KLF2: variants seen among roughly 807,000 people sequenced by gnomAD.
KLF2 encodes the protein KLF transcription factor 2.
Under a neutral mutation model 22.2 loss-of-function variants are expected in KLF2, and 9 were observed. The observed-to-expected ratio is 0.40, with a 90% confidence interval of 0.24 to 0.71. The LOEUF (loss-of-function observed/expected upper bound fraction) is 0.71. Ranked by LOEUF, KLF2 falls within the 30% of genes least tolerant of loss-of-function variation. KLF2 has a pLI of 0.35. For synonymous variants in KLF2, 299 were observed against 264.2 expected, an observed-to-expected ratio of 1.13 and a Z score of -1.28; for missense variants, 481 against 542.1, an observed-to-expected ratio of 0.89 and a Z score of 1.12.
At chr19:16,325,086 G>A in intron 1 of KLF2, 88 bp downstream of exon 1, 1 of 1,364,988 alleles carries the variant, frequency 7.3e-7, no homozygotes, top group Non-Finnish European at 9.9e-7. Flanking sequence ...GACAGGACGC[G>A]AAGGCGGGGA....
At chr19:16,325,058 G>T in intron 1 of KLF2, 60 bp downstream of exon 1, 8 of 1,450,956 alleles carry the variant, frequency 5.5e-6, no homozygotes, top group Non-Finnish European at 7.4e-6. Flanking sequence ...CGGGGTAGTA[G>T]AACGTGGGCT....
At position 16,325,633 on chromosome 19, in the gene KLF2, G is replaced by A. The variant is rs2091887058; in HGVS notation, c.493G>A (p.Gly165Ser). The change falls in exon 2 of 3, where the codon GGC becomes AGC. Residue 165 changes from glycine to serine, a missense_variant. This residue lies in a region of KLF2 where 421 missense variants were observed against 435.1 expected (regional missense o/e 0.97). Coordinates refer to ENST00000248071, the MANE Select transcript of KLF2 (RefSeq NM_016270.4). The part of the protein sequence containing the change: ...PAASCMRGPG[G>S]RPPPPPDTPP... ...GGCTTCGTGCATGCGAGGTCCCGGG[G>A]GCCGCCCCCCGCCGCCGCCCGACAC... 2 of 1,085,560 alleles carry A rather than the reference G, an allele frequency of 1.8e-6. No individual in the cohort carries two copies. Among genetic ancestry groups the A allele is most frequent in the South Asian group, 4.2e-5 (1 of 23,696 alleles). 67.2% of individuals were successfully genotyped at this position (1,085,560 alleles called of 1,614,324 possible). A position where few individuals can be genotyped will look rare whatever the true frequency, so the allele number is the denominator to read the frequency against.
chr19:16,326,208 G>T (rs940194465), intron 2 of KLF2, among the ~76,000 whole-genome samples, 176 bp downstream of exon 2: 1 of 151,078 alleles, frequency 6.6e-6, no homozygotes, highest in Non-Finnish European at 1.5e-5. Context: ...AGGTTGGTTG[G>T]GGGGGCACAC....
At chr19:16,326,803 C>G in intron 2 of KLF2, 53 bp from the exon 3 acceptor site, 5 of 1,559,498 alleles carry the variant, frequency 3.2e-6, no homozygotes, top group Non-Finnish European at 4.4e-6. Context: ...GGTAGCCATA[C>G]GTGCCCTGTC....
chr19:16,325,554 C>T lies in KLF2; in HGVS notation c.414C>T (p.Pro138=), dbSNP rs2091886701. 1.1e-5 allele frequency: 14 copies of T among 1,220,020 alleles called. No homozygotes were observed. The highest frequency in any genetic ancestry group is 1.6e-5 in the African/African-American group (1 of 62,078). 75.6% of individuals were successfully genotyped at this position (1,220,020 alleles called of 1,614,324 possible). The stretch of plus-strand genomic sequence containing the variant: ...GCGGCGGCGGCTACGGCTGCGCCCC[C>T]GGGCTGACCCGTGGACCGCGCGGCC... ...ADGGGGYGCA[P]GLTRGPRGLK... is the part of the protein sequence containing the mutation. The change falls in exon 2 of 3, where the codon CCC becomes CCT. Residue 138 remains proline, a synonymous_variant. Transcript: ENST00000248071.
chr19:16,327,475 T>G lies in KLF2; in HGVS notation c.*444T>G, dbSNP rs1434283165. 1.3e-5 allele frequency: 2 copies of G among 154,156 alleles called. No homozygotes were observed. The highest frequency in any genetic ancestry group is 4.8e-5 in the African/African-American group (2 of 41,472). The allele number at this position is 154,156 out of a possible 1,614,324, so 9.5% of individuals were successfully genotyped here. On this transcript the variant is annotated 3_prime_UTR_variant, in exon 3 of 3. Transcript: ENST00000248071. ...TTTTGGGCTACCTGGTTCGTTTTTA[T>G]AAGATTTTGCTGGGTTGGTTTTTTT...
chr19:16,328,145 T>C lies in KLF2; in HGVS notation c.*1114T>C, dbSNP rs1484324870. Among the ~76,000 whole-genome samples, 1 of 152,108 alleles carries C rather than the reference T, an allele frequency of 6.6e-6. No individual in the cohort carries two copies. The highest frequency in any genetic ancestry group is 1.5e-5 in the Non-Finnish European group (1 of 68,012). The stretch of plus-strand genomic sequence containing the variant: ...GGGTGGTGGAGTTGGGTTGTTAGCC[T>C]GCTCTGTCTGCCTCCAAGGGTCCCT... On this transcript the variant is annotated 3_prime_UTR_variant, in exon 3 of 3. Coordinates refer to ENST00000248071, the MANE Select transcript of KLF2 (RefSeq NM_016270.4).
Position 16,325,828 on chromosome 19 carries a change from G to T in KLF2, c.688G>T (p.Ala230Ser). The change falls in exon 2 of 3, where the codon GCA becomes TCA. Residue 230 changes from alanine to serine, a missense_variant. Around this residue, in one of 2 missense-constraint regions of KLF2, gnomAD observed 421 missense variants for 435.1 expected, o/e 0.97. Transcript: ENST00000248071. ...GLFDDAAAAA[A>S]ALGLAPPAAR... ...CTTCGACGACGCGGCCGCCGCCGCG[G>T]CAGCCCTGGGCCTGGCGCCCCCCGC... The T allele has an allele frequency of 1.7e-5, 23 of 1,364,344 alleles. No individual in the cohort carries two copies. The highest frequency in any genetic ancestry group is 2.1e-5 in the Non-Finnish European group (22 of 1,067,398). 84.5% of individuals were successfully genotyped at this position (1,364,344 alleles called of 1,614,324 possible). A position where few individuals can be genotyped will look rare whatever the true frequency, so the allele number is the denominator to read the frequency against.
chr19:16,325,992 CAA>C lies in KLF2; in HGVS notation c.853_854del (p.Lys285GlufsTer14). ...SYAGCGKTYT[K>X]SSHLKAHLRT... Reference sequence around the variant, plus strand: ...ACGCGGGCTGCGGCAAGACCTACACCAAGAGTTCGCATCTGAAGGCGCATCTG... The same window carrying C: ...ACGCGGGCTGCGGCAAGACCTACACCGAGTTCGCATCTGAAGGCGCATCTG... On this transcript the variant is annotated frameshift_variant, in exon 2 of 3. Transcript: ENST00000248071. LOFTEE classifies it high-confidence loss of function. 1 of 1,554,670 alleles carries C rather than the reference CAA, an allele frequency of 6.4e-7. No homozygotes were observed. Among genetic ancestry groups the C allele is most frequent in the Non-Finnish European group, 8.7e-7 (1 of 1,150,586 alleles).
chr19:16,326,776 T>C, intron 2 of KLF2, 80 bp from the exon 3 acceptor site: 6 of 1,412,642 alleles, frequency 4.2e-6, no homozygotes, highest in Non-Finnish European at 5.8e-6. Flanking sequence ...TGGTTAGGGA[T>C]AGGTTGCGCT....
chr19:16,326,956 A>C lies in KLF2; in HGVS notation c.993A>C (p.Pro331=), dbSNP rs745977489. 6.2e-6 allele frequency: 10 copies of C among 1,613,600 alleles called. No individual in the cohort carries two copies. The East Asian group carries it at 2.2e-4, about 36-fold the overall frequency. Reference sequence around the variant, plus strand: ...ACCGAAAGCACACGGGCCACCGGCCATTCCAGTGCCATCTGTGCGATCGTG... The same window carrying C: ...ACCGAAAGCACACGGGCCACCGGCCCTTCCAGTGCCATCTGTGCGATCGTG... ...RHYRKHTGHR[P]FQCHLCDRAF... Residue 331 remains proline, a synonymous_variant, in exon 3 of 3, where the codon CCA becomes CCC. Transcript: ENST00000248071.
chr19:16,326,084 G>A lies in KLF2; in HGVS notation c.892+52G>A, dbSNP rs926720408. ...GCAGGCGGGGGGACGCGGGAGGAGAGGTCGGATTCCCAGCGCGCGCCAGAA... is the reference window on the plus strand; with the variant it reads ...GCAGGCGGGGGGACGCGGGAGGAGAAGTCGGATTCCCAGCGCGCGCCAGAA... On this transcript the variant is annotated intron_variant, in intron 2 of 2. Transcript: ENST00000248071. 2.7e-6 allele frequency: 4 copies of A among 1,498,742 alleles called. No homozygotes were observed. In the African/African-American group the frequency reaches 4.3e-5, roughly 16 times the overall value. 92.8% of individuals were successfully genotyped at this position (1,498,742 alleles called of 1,614,324 possible).
intron 2 of KLF2, 38 bp downstream of exon 2, chr19:16,326,070 G>A (rs949615420): frequency 2.6e-6 from 4 of 1,519,548 alleles, no homozygotes; most frequent in Non-Finnish European, 3.5e-6. Flanking sequence ...CAGGCGGGGG[G>A]ACGCGGGAGG....
Position 16,325,933 on chromosome 19 carries a change from C to T in KLF2, c.793C>T (p.Pro265Ser). 6 of 1,529,136 alleles carry T rather than the reference C, an allele frequency of 3.9e-6. No individual in the cohort carries two copies. The highest frequency in any genetic ancestry group is 2.6e-5 in the East Asian group (1 of 38,132). The allele number at this position is 1,529,136 out of a possible 1,614,324, so 94.7% of individuals were successfully genotyped here. The change falls in exon 2 of 3, where the codon CCC becomes TCC. Residue 265 changes from proline (P) to serine (S), a missense_variant. Pro to Ser is a moderately conservative substitution (Grantham distance 74). This residue lies in a region of KLF2 where 421 missense variants were observed against 435.1 expected (regional missense o/e 0.97). Transcript: ENST00000248071. ...AKPKRGRRSW[P>S]RKRTATHTCS... Reference sequence around the variant, plus strand: ...GCCAAAGCGCGGCCGCCGCTCTTGGCCCCGCAAACGCACCGCCACTCACAC... The same window carrying T: ...GCCAAAGCGCGGCCGCCGCTCTTGGTCCCGCAAACGCACCGCCACTCACAC...
intron 1 of KLF2, 85 bp from the exon 2 acceptor site, chr19:16,325,131 G>A: frequency 7.6e-7 from 1 of 1,322,360 alleles, no homozygotes; most frequent in Non-Finnish European, 1.0e-6. Flanking sequence ...CGGGCCACGG[G>A]GATCGCGGAC....
rs181837356 is a variant in KLF2 at position 16,327,186 on chromosome 19, A to C, written c.*155A>C. 658 of 659,846 alleles carry C rather than the reference A, an allele frequency of 1.0e-3. 10 individuals are homozygous for C. In the East Asian group the frequency reaches 0.016, roughly 16 times the overall value. 40.9% of individuals were successfully genotyped at this position (659,846 alleles called of 1,614,324 possible). A position where few individuals can be genotyped will look rare whatever the true frequency, so the allele number is the denominator to read the frequency against. Reference sequence around the variant, plus strand: ...GTCTCCCTCGATGACGACGACGACGACGCCACCACCCCAGCCCCCGTCTGT... The same window carrying C: ...GTCTCCCTCGATGACGACGACGACGCCGCCACCACCCCAGCCCCCGTCTGT... On this transcript the variant is annotated 3_prime_UTR_variant, in exon 3 of 3. Coordinates refer to ENST00000248071, the MANE Select transcript of KLF2 (RefSeq NM_016270.4).
At position 16,327,293 on chromosome 19, in the gene KLF2, T is replaced by TGATA; in HGVS notation, c.*262_*263insGATA. ...AAATGGTGCAATAATTTAAGTGGCA[T>TGATA]CTTCTCTCCCACCGGGTCTACACTA... is the stretch of plus-strand genomic sequence containing the variant. On this transcript the variant is annotated 3_prime_UTR_variant, in exon 3 of 3. Transcript: ENST00000248071. 1 of 383,120 alleles carries TGATA rather than the reference T, an allele frequency of 2.6e-6. No individual in the cohort carries two copies. Among genetic ancestry groups the TGATA allele is most frequent in the Non-Finnish European group, 4.7e-6 (1 of 213,034 alleles). 23.7% of individuals were successfully genotyped at this position (383,120 alleles called of 1,614,324 possible).
rs901623443 is a variant in KLF2 at position 16,325,366 on chromosome 19, C to T, written c.226C>T (p.Pro76Ser). The T allele has an allele frequency of 1.4e-6, 2 of 1,439,522 alleles. No individual in the cohort carries two copies. The highest frequency in any genetic ancestry group is 1.5e-5 in the African/African-American group (1 of 66,540). The allele number at this position is 1,439,522 out of a possible 1,614,324, so 89.2% of individuals were successfully genotyped here. A position where few individuals can be genotyped will look rare whatever the true frequency, so the allele number is the denominator to read the frequency against. ...GCCCCCGCCGCCTGCGTTCTATTACCCCGAACCCGGCGCGCCCCCGCCCTA... is the reference window on the plus strand; with the variant it reads ...GCCCCCGCCGCCTGCGTTCTATTACTCCGAACCCGGCGCGCCCCCGCCCTA... ...PPPPPPAFYY[P>S]EPGAPPPYSA... The change falls in exon 2 of 3, where the codon CCC becomes TCC. Residue 76 changes from proline to serine, a missense_variant. Pro to Ser is a moderately conservative substitution (Grantham distance 74). Coordinates refer to ENST00000248071, the MANE Select transcript of KLF2 (RefSeq NM_016270.4).
chr19:16,325,512 GC>G lies in KLF2; in HGVS notation c.377del (p.Pro126LeufsTer15). 1 of 1,293,562 alleles carries G rather than the reference GC, an allele frequency of 7.7e-7. No homozygotes were observed. The allele number at this position is 1,293,562 out of a possible 1,614,324, so 80.1% of individuals were successfully genotyped here. ...CGCCCGGCCGCCTGGTCAAGGCCGAGCCCCCTGAAGCGGACGGCGGCGGCGG... is the reference window on the plus strand; with the variant it reads ...CGCCCGGCCGCCTGGTCAAGGCCGAGCCCCTGAAGCGGACGGCGGCGGCGG... ...APPGRLVKAE[P>X]PEADGGGGYG... On this transcript the variant is annotated frameshift_variant, in exon 2 of 3. Coordinates refer to ENST00000248071, the MANE Select transcript of KLF2 (RefSeq NM_016270.4). LOFTEE classifies it high-confidence loss of function.
Sources: allele counts gnomAD v4.1 joint callset (sites outside exome capture counted in the v4.1 genomes callset), GRCh38; gene constraint gnomAD v4.1.1; regional missense constraint gnomAD v4.1.1; transcripts MANE v1.5; gene names NCBI Gene and HGNC (gene_info 2026-07-23, HGNC 2026-07-21).